The following PKLR variants were observed in gnomAD, a reference collection of about 807,000 sequenced individuals.
The protein encoded by PKLR is pyruvate kinase L/R.
A neutral mutation model predicts 53.6 loss-of-function variants in PKLR; 38 were observed. The observed-to-expected ratio is 0.71, with a 90% confidence interval of 0.55 to 0.93. The LOEUF (loss-of-function observed/expected upper bound fraction) is 0.93, where lower values mean the gene tolerates loss of function less well. Ranked by LOEUF, PKLR falls within the 40% of genes least tolerant of loss-of-function variation. PKLR has a pLI of 0.00. For missense variants in PKLR, 702 were observed against 787.3 expected, an observed-to-expected ratio of 0.89 and a Z score of 1.30; for synonymous variants, 328 against 316.2, an observed-to-expected ratio of 1.04 and a Z score of -0.39.
In PKLR at chr1:155,290,291, C is replaced by A. The variant is rs770894965; in HGVS notation, c.*281G>T. 19 of 493,710 alleles carry A rather than the reference C, an allele frequency of 3.8e-5. No homozygotes were observed. The highest frequency in any genetic ancestry group is 5.5e-5 in the Non-Finnish European group (15 of 271,010). 30.6% of individuals were successfully genotyped at this position (493,710 alleles called of 1,614,324 possible). A position where few individuals can be genotyped will look rare whatever the true frequency, so the allele number is the denominator to read the frequency against. ...TCAAGGCATCTTAGGGCCTGCTGAG[C>A]AGATTGGATGCAGGGAATGTACAAT... On this transcript the variant is annotated 3_prime_UTR_variant, in exon 11 of 11. Transcript: ENST00000342741.
At chr1:155,308,242 T>G in the PKLR span, among the ~76,000 whole-genome samples, 1 of 150,440 alleles carries the variant, frequency 6.6e-6, no homozygotes, top group African/African-American at 2.4e-5. Context: ...TTTTTTTTTG[T>G]ATTTTTAGTA....
intron 2 of PKLR, among the ~76,000 whole-genome samples, chr1:155,299,035 T>TTTCTTTCTTTCTTTC (rs1553231361): frequency 2.0e-5 from 1 of 50,442 alleles, no homozygotes; most frequent in Non-Finnish European, 3.3e-5. Context: ...TCTTTCTTTC[T>TTTCTTTCTTTCTTTC]CTTTCTTTCT....
rs1484511552 is a variant in PKLR at position 155,293,308 on chromosome 1, C to G, written c.1305G>C (p.Arg435=). Residue 435 remains arginine, a synonymous_variant, in exon 9 of 11, where the codon CGG becomes CGC. Coordinates refer to ENST00000342741, the MANE Select transcript of PKLR (RefSeq NM_000298.6). The surrounding 1 kb of genome is among the most constrained non-coding windows in gnomAD (Gnocchi z 4.2). ...CCCGACGTAGCTCCTCAAACAGCTG[C>G]CGGTGGTACACTGCGGCCTCTGCCT... ...AREAEAAVYH[R]QLFEELRRAA... The G allele has an allele frequency of 1.2e-6, 2 of 1,614,244 alleles. No individual in the cohort carries two copies. Among genetic ancestry groups the G allele is most frequent in the Admixed American group, 3.3e-5 (2 of 60,032 alleles).
At chr1:155,300,067 T>C in intron 2 of PKLR, 31 bp downstream of exon 2, 1 of 1,601,442 alleles carries the variant, frequency 6.2e-7, no homozygotes. Flanking sequence ...CAATAGGCCC[T>C]GTGTGGCTGC....
chr1:155,294,442 A>G (rs778080320), intron 6 of PKLR, 40 bp downstream of exon 6: 6 of 1,614,248 alleles, frequency 3.7e-6, no homozygotes, highest in Middle Eastern at 1.6e-4. Flanking sequence ...GTGATGGGGA[A>G]TAGCGACAGG....
intron 2 of PKLR, among the ~76,000 whole-genome samples, chr1:155,297,618 G>C (rs1198383842): frequency 6.6e-6 from 1 of 151,926 alleles, no homozygotes; most frequent in Non-Finnish European, 1.5e-5. Context: ...GGGAGGGGAG[G>C]CTCTATTAAA....
In PKLR at chr1:155,299,026, CTTTCTTTCT is replaced by C. The variant is rs1210028223; in HGVS notation, c.283+1063_283+1071del. Among the ~76,000 whole-genome samples the C allele has an allele frequency of 4.5e-3, 416 of 92,444 alleles. 16 individuals are homozygous for C. The highest frequency in any genetic ancestry group is 7.1e-3 in the Non-Finnish European group (335 of 47,472). 60.6% of individuals were successfully genotyped at this position (92,444 alleles called of 152,430 possible). ...TCTTTCTTTCTTTCTTTCTTTCTTTCTTTCTTTCTCTTTCTTTCTTTCTTTCCTTCCTTC... is the reference window on the plus strand; with the variant it reads ...TCTTTCTTTCTTTCTTTCTTTCTTTCCTTTCTTTCTTTCTTTCCTTCCTTC... On this transcript the variant is annotated intron_variant, in intron 2 of 10. Transcript: ENST00000342741.
At chr1:155,292,654 AAAAC>A (rs775285428) in intron 9 of PKLR, among the ~76,000 whole-genome samples, 4 of 152,146 alleles carry the variant, frequency 2.6e-5, no homozygotes, top group Non-Finnish European at 4.4e-5. Flanking sequence ...AAAACAAAAC[AAAAC>A]AAACAAACAA....
chr1:155,293,187 TG>T lies in PKLR; in HGVS notation c.1425del (p.Thr476GlnfsTer54), dbSNP rs1299889681. ...KCCAAAIIVL[T>X]TTGRSAQLLS... ...CAATATCCCCCTCACCGGCCAGTTG[TG>T]GTCAGCACAATGATGGCAGCAGCAC... is the stretch of plus-strand genomic sequence containing the variant. On this transcript the variant is annotated frameshift_variant, in exon 9 of 11. Transcript: ENST00000342741. LOFTEE classifies it high-confidence loss of function. This position sits in a 1 kb window ranked among gnomAD's most constrained non-coding sequence, Gnocchi z 4.2. The T allele has an allele frequency of 6.2e-7, 1 of 1,613,994 alleles. No individual in the cohort carries two copies. The highest frequency in any genetic ancestry group is 1.7e-5 in the Admixed American group (1 of 60,000).
chr1:155,304,896 T>G (rs550299899), upstream of PKLR, among the ~76,000 whole-genome samples: 1 of 152,278 alleles, frequency 6.6e-6, no homozygotes, highest in East Asian at 1.9e-4. Context: ...GAAGGTAGGA[T>G]CAACAGGCTG....
intron 1 of PKLR, chr1:155,300,815 A>G (rs1000592917): frequency 1.4e-5 from 22 of 1,579,640 alleles, no homozygotes; most frequent in Non-Finnish European, 1.8e-5. Context: ...CAAAGCTGCT[A>G]CAGACACAGA....
At chr1:155,304,694 G>T (rs564841243), upstream of PKLR, among the ~76,000 whole-genome samples, 2 of 152,148 alleles carry the variant, frequency 1.3e-5, no homozygotes, top group Non-Finnish European at 2.9e-5. Flanking sequence ...CTGAGACTAC[G>T]GAAGAAATAG....
rs1197679443 is a variant in PKLR at position 155,289,411 on chromosome 1, G to A, written c.*1161C>T. The A allele has an allele frequency of 6.6e-6, 1 of 152,206 alleles. No homozygotes were observed. The highest frequency in any genetic ancestry group is 2.4e-5 in the African/African-American group (1 of 41,440). 9.4% of individuals were successfully genotyped at this position (152,206 alleles called of 1,614,324 possible). A position where few individuals can be genotyped will look rare whatever the true frequency, so the allele number is the denominator to read the frequency against. On this transcript the variant is annotated 3_prime_UTR_variant, in exon 11 of 11. Coordinates refer to ENST00000342741, the MANE Select transcript of PKLR (RefSeq NM_000298.6). ...TTCAGGTAAGGAGACAGGAGGAGTA[G>A]GAGGAGGCAGGGCCTCTCCATGCCA...
At chr1:155,305,109 C>G (rs914485180), upstream of PKLR, among the ~76,000 whole-genome samples, 1 of 152,146 alleles carries the variant, frequency 6.6e-6, no homozygotes, top group South Asian at 2.1e-4. Flanking sequence ...ATCCCTTGGA[C>G]CTTACAGGGG....
chr1:155,291,312 A>C (rs957171656), intron 10 of PKLR, among the ~76,000 whole-genome samples: 1 of 152,008 alleles, frequency 6.6e-6, no homozygotes, highest in Non-Finnish European at 1.5e-5. Context: ...CCTGGCCAAC[A>C]TGGTGAAACC....
In PKLR at chr1:155,289,777, T is replaced by C. The variant is rs370142273; in HGVS notation, c.*795A>G. On this transcript the variant is annotated 3_prime_UTR_variant, in exon 11 of 11. Transcript: ENST00000342741. ...TCCTTCTGGGTGGGGAGTTCTGGGG[T>C]TCTTGGTGTGTGGGAGAAGTTTTAT... 6.6e-6 allele frequency: 1 copy of C among 152,206 alleles called. No individual in the cohort carries two copies. The highest frequency in any genetic ancestry group is 1.9e-4 in the East Asian group (1 of 5,332). The allele number at this position is 152,206 out of a possible 1,614,324, so 9.4% of individuals were successfully genotyped here. A position where few individuals can be genotyped will look rare whatever the true frequency, so the allele number is the denominator to read the frequency against.
At chr1:155,304,559 G>A (rs370416336), upstream of PKLR, among the ~76,000 whole-genome samples, 2 of 152,064 alleles carry the variant, frequency 1.3e-5, no homozygotes, top group East Asian at 3.9e-4. Context: ...AAGAGAGGGG[G>A]ACGGCTTGGA....
At chr1:155,302,084 G>T (rs1399464521), upstream of PKLR, among the ~76,000 whole-genome samples, 7 of 145,484 alleles carry the variant, frequency 4.8e-5, no homozygotes, top group African/African-American at 1.8e-4. Context: ...TTTTCACAGA[G>T]TCTCACTCTG....
At chr1:155,294,880 T>G in intron 5 of PKLR, 128 bp from the exon 6 acceptor site, 1 of 1,287,590 alleles carries the variant, frequency 7.8e-7, no homozygotes, top group Non-Finnish European at 1.1e-6. Flanking sequence ...CCGCCCTTGT[T>G]CTGGGCTTCG....
Sources: allele counts gnomAD v4.1 joint callset (sites outside exome capture counted in the v4.1 genomes callset), GRCh38; gene constraint gnomAD v4.1.1; non-coding constraint Gnocchi (gnomAD v3.1); transcripts MANE v1.5; gene names NCBI Gene and HGNC (gene_info 2026-07-23, HGNC 2026-07-21).